MCF2L: variants seen among roughly 807,000 people sequenced by gnomAD.
MCF2L encodes MCF.2 cell line derived transforming sequence like, also known as guanine nucleotide exchange factor DBS.
MCF2L carries 97 observed loss-of-function variants against 153.4 expected under a neutral mutation model. That is an observed-to-expected ratio of 0.63 (90% CI 0.54 to 0.75). MCF2L has a LOEUF of 0.75. Ranked by LOEUF, MCF2L falls within the 30% of genes least tolerant of loss-of-function variation. The probability of loss-of-function intolerance (pLI) is 0.00; values close to 1 mark genes in which losing one functional copy is unlikely to be tolerated. For synonymous variants in MCF2L, 659 were observed against 632.2 expected (o/e 1.04, Z -0.64); for missense variants, 1,347 against 1,495.2 (o/e 0.90, Z 1.64).
intron 5 of MCF2L, among the ~76,000 whole-genome samples, chr13:113,062,718 T>A (rs1026893332): frequency 6.6e-6 from 1 of 152,032 alleles, no homozygotes; most frequent in African/African-American, 2.4e-5. Flanking sequence ...GACTCAGCCA[T>A]AGAAAGGAGA....
chr13:112,934,555 A>ATGCTGCTGCAGC (rs2081494944), intron 2 of MCF2L, among the ~76,000 whole-genome samples: 1 of 147,372 alleles, frequency 6.8e-6, no homozygotes, highest in African/African-American at 2.5e-5. Context: ...TTTCCAGGGG[A>ATGCTGCTGCAGC]TGCTGCTGCT....
intron 3 of MCF2L, among the ~76,000 whole-genome samples, chr13:113,033,190 C>A (rs2085857643): frequency 1.4e-5 from 2 of 140,188 alleles, no homozygotes; most frequent in South Asian, 2.3e-4. Context: ...CGTGAGTGGA[C>A]CCCGTGACGT....
At chr13:112,912,100 C>A (rs2081238752) in intron 2 of MCF2L, among the ~76,000 whole-genome samples, 3 of 152,184 alleles carry the variant, frequency 2.0e-5, no homozygotes. Flanking sequence ...AGTTTCCCAT[C>A]CCCGGGCCCA....
chr13:112,917,895 C>T (rs2081311695), intron 2 of MCF2L, among the ~76,000 whole-genome samples: 1 of 152,216 alleles, frequency 6.6e-6, no homozygotes, highest in South Asian at 2.1e-4. Flanking sequence ...CACCCCCCTG[C>T]TCCAGGCCGG....
chr13:113,003,004 T>TA (rs11329462), intron 1 of MCF2L, among the ~76,000 whole-genome samples: 2,887 of 142,948 alleles, frequency 0.02, 68 homozygotes, highest in East Asian at 0.091. Context: ...CCTCATCTGT[T>TA]AAAAAAAAAA....
intron 2 of MCF2L, among the ~76,000 whole-genome samples, chr13:113,021,363 T>A (rs980461188): frequency 1.3e-5 from 2 of 152,112 alleles, no homozygotes; most frequent in African/African-American, 4.8e-5. Context: ...TTCTTTCTGG[T>A]GATGGGGATG....
chr13:112,999,886 G>T (rs1040143228), intron 1 of MCF2L, among the ~76,000 whole-genome samples: 47 of 152,200 alleles, frequency 3.1e-4, no homozygotes, highest in African/African-American at 1.1e-3. Context: ...ATGCCTGCAG[G>T]CCCCAGAGCA....
At position 112,936,865 on chromosome 13, in the gene MCF2L, C is replaced by T. The variant is rs546038556; in HGVS notation, c.169+34494C>T. Among the ~76,000 whole-genome samples the T allele has an allele frequency of 2.6e-5, 4 of 152,108 alleles. No individual in the cohort carries two copies. In the East Asian group the frequency reaches 7.7e-4, roughly 29 times the overall value. On this transcript the variant is annotated intron_variant, in intron 2 of 29. Coordinates refer to the MCF2L transcript ENST00000375608. Reference sequence around the variant, plus strand: ...ATAATACCTAATACAATGTAAATGCCGTGAAATAGTTTTTACACTGTATTG... The same window carrying T: ...ATAATACCTAATACAATGTAAATGCTGTGAAATAGTTTTTACACTGTATTG...
intron 1 of MCF2L, among the ~76,000 whole-genome samples, chr13:112,980,541 C>A (rs1206232863): frequency 6.7e-6 from 1 of 150,082 alleles, no homozygotes; most frequent in Non-Finnish European, 1.5e-5. Flanking sequence ...AGGGAGGCAG[C>A]GAACACATCC....
chr13:113,071,437 T>C (rs931774454), intron 9 of MCF2L, among the ~76,000 whole-genome samples: 1 of 152,228 alleles, frequency 6.6e-6, no homozygotes, highest in South Asian at 2.1e-4. Flanking sequence ...AATTTCTCCT[T>C]TTAAGGTTTA....
rs2085447736 is a variant in MCF2L at position 113,028,514 on chromosome 13, G to C, written c.278+3756G>C. 6.6e-6 allele frequency among the ~76,000 whole-genome samples: 1 copy of C among 152,222 alleles called. No homozygotes were observed. Among genetic ancestry groups the C allele is most frequent in the Admixed American group, 6.5e-5 (1 of 15,280 alleles). Reference sequence around the variant, plus strand: ...AGATTGCGCATCTGTGAGTCGCACAGCCTGGTCTGGCTGAAGGTGGCCGGA... The same window carrying C: ...AGATTGCGCATCTGTGAGTCGCACACCCTGGTCTGGCTGAAGGTGGCCGGA... On this transcript the variant is annotated intron_variant, in intron 3 of 29. Transcript: ENST00000535094. The surrounding 1 kb of genome is among the most constrained non-coding windows in gnomAD (Gnocchi z 5.4).
At position 113,098,290 on chromosome 13, in the gene MCF2L, T is replaced by G. The variant is rs1158396741; in HGVS notation, c.*1431T>G. ...AATCAAATAGGAAGCATGCAGAGAC[T>G]CGGCAGCTTTTCCTCTGATGTGTAA... On this transcript the variant is annotated 3_prime_UTR_variant, in exon 30 of 30. Coordinates refer to ENST00000535094, the MANE Select transcript of MCF2L (RefSeq NM_001112732.3). The G allele has an allele frequency of 1.3e-5, 2 of 152,580 alleles. No individual in the cohort carries two copies. Among genetic ancestry groups the G allele is most frequent in the Non-Finnish European group, 2.9e-5 (2 of 68,050 alleles). The allele number at this position is 152,580 out of a possible 1,614,324, so 9.5% of individuals were successfully genotyped here.
At chr13:112,979,362 C>T (rs1378103262) in intron 1 of MCF2L, 8 of 1,319,104 alleles carry the variant, frequency 6.1e-6, no homozygotes, top group African/African-American at 1.5e-5. Flanking sequence ...TCTAGCACCT[C>T]GGCATTGTCT....
intron 4 of MCF2L, among the ~76,000 whole-genome samples, chr13:113,048,068 A>G (rs1215802390): frequency 6.6e-6 from 1 of 152,268 alleles, no homozygotes; most frequent in Non-Finnish European, 1.5e-5. Context: ...TTCTAAAAGC[A>G]AAGTATTTCT....
chr13:112,949,524 C>A (rs1235327138), intron 2 of MCF2L, among the ~76,000 whole-genome samples: 1 of 152,098 alleles, frequency 6.6e-6, no homozygotes, highest in Non-Finnish European at 1.5e-5. Flanking sequence ...AGAGAATTAT[C>A]CACCATGACC....
intron 2 of MCF2L, chr13:112,909,201 CT>C: frequency 1.3e-6 from 1 of 779,402 alleles, no homozygotes; most frequent in East Asian, 2.4e-5. Context: ...GAGGGAGCCC[CT>C]GTAACCAACC....
At chr13:113,085,710 A>C (rs1351457387) in intron 20 of MCF2L, among the ~76,000 whole-genome samples, 5 of 98,482 alleles carry the variant, frequency 5.1e-5, no homozygotes, top group East Asian at 4.0e-4. Context: ...ACCTGGCATC[A>C]GGGTGGCAGG....
At chr13:112,987,330 A>G (rs2082689627) in intron 1 of MCF2L, among the ~76,000 whole-genome samples, 2 of 19,682 alleles carry the variant, frequency 1.0e-4, no homozygotes. Flanking sequence ...GACGCAGCCC[A>G]GGGCTCGTTG....
In MCF2L at chr13:113,024,646, G is replaced by A; in HGVS notation, c.166G>A (p.Gly56Arg). 8 of 1,610,564 alleles carry A rather than the reference G, an allele frequency of 5.0e-6. No homozygotes were observed. Among genetic ancestry groups the A allele is most frequent in the Non-Finnish European group, 6.8e-6 (8 of 1,176,924 alleles). The stretch of plus-strand genomic sequence containing the variant: ...GTCTGCCTCTGGTCTCTCCCCAGGT[G>A]GGCGGGGGCAGGACGGAAGCCCGGT... The part of the protein sequence containing the change: ...LKKRFAYLSG[G>R]RGQDGSPVIT... Residue 56 changes from glycine (G) to arginine (R), a missense_variant and splice_region_variant, in exon 3 of 30, where the codon GGG becomes AGG. Around this residue, in one of 3 missense-constraint regions of MCF2L, gnomAD observed 820 missense variants for 921.2 expected, o/e 0.89. Coordinates refer to ENST00000535094, the MANE Select transcript of MCF2L (RefSeq NM_001112732.3).
Sources: gnomAD v4.1 joint callset for allele counts (sites outside exome capture counted in the v4.1 genomes callset) on GRCh38, gnomAD v4.1.1 for gene constraint, gnomAD v4.1.1 regional missense constraint, Gnocchi (gnomAD v3.1) non-coding constraint, MANE v1.5 for transcripts, NCBI Gene and HGNC (gene_info 2026-07-23, HGNC 2026-07-21) for gene names.